Variants in FCSK observed in about 807,000 individuals in gnomAD.
The protein encoded by FCSK is fucose kinase.
In FCSK, 123 loss-of-function variants were observed where a neutral mutation model predicts 122.5. The observed-to-expected ratio is 1.00, with a 90% CI of 0.87 to 1.17. The LOEUF is 1.17. Among genes scored for constraint, FCSK ranks in the 50% most tolerant of loss-of-function variants. The pLI, the probability that FCSK is intolerant of heterozygous loss-of-function variation, is 0.00. For missense variants in FCSK, 1,366 were observed against 1,450.4 expected, an observed-to-expected ratio of 0.94 and a Z score of 0.95; for synonymous variants, 620 against 625.5, an observed-to-expected ratio of 0.99 and a Z score of 0.13.
At position 70,478,547 on chromosome 16, in the gene FCSK, G is replaced by C. The variant is rs577562228; in HGVS notation, c.2830-4G>C. 5.6e-6 allele frequency: 9 copies of C among 1,613,610 alleles called. No homozygotes were observed. In the East Asian group the frequency reaches 2.0e-4, roughly 36 times the overall value. ...CACCACCCCTTCTCCTGCCCCGTCC[G>C]CAGGATGTGCTGAGGAGCTGGTATG... On this transcript the variant is annotated splice_polypyrimidine_tract_variant and splice_region_variant and intron_variant, in intron 21 of 23. Coordinates refer to ENST00000288078, the MANE Select transcript of FCSK (RefSeq NM_145059.3).
chr16:70,465,653 ATAAAAT>A (rs2048394293), intron 4 of FCSK, among the ~76,000 whole-genome samples: 1 of 150,670 alleles, frequency 6.6e-6, no homozygotes, highest in Non-Finnish European at 1.5e-5. Flanking sequence ...TTCTCAAAAA[ATAAAAT>A]TATAGGCTGG....
rs1485944968 is a variant in FCSK at position 70,471,180 on chromosome 16, A to G, written c.1171-2A>G. ...CAGGATGCCTGCCCTGTCCCCCACC[A>G]GGGCCCCATTCACATAGGCGCTGGC... is the stretch of plus-strand genomic sequence containing the variant. On this transcript the variant is annotated splice_acceptor_variant, in intron 12 of 23. Coordinates refer to ENST00000288078, the MANE Select transcript of FCSK (RefSeq NM_145059.3). LOFTEE classifies it high-confidence loss of function. The G allele has an allele frequency of 2.5e-6, 4 of 1,601,080 alleles. No homozygotes were observed. The East Asian group carries it at 9.0e-5, about 36-fold the overall frequency.
At position 70,461,396 on chromosome 16, in the gene FCSK, G is replaced by A. The variant is rs564204909; in HGVS notation, c.-22-1773G>A. On this transcript the variant is annotated intron_variant, in intron 1 of 23. Transcript: ENST00000288078. ...GGGTACTCCTGGGGGACTCGGTCTC[G>A]GGGAGGCCAGGGGCTCAGGAGTCAG... is the stretch of plus-strand genomic sequence containing the variant. 6.6e-5 allele frequency among the ~76,000 whole-genome samples: 10 copies of A among 152,192 alleles called. No homozygotes were observed. In the East Asian group the frequency reaches 7.7e-4, roughly 12 times the overall value.
intron 20 of FCSK, chr16:70,476,056 G>T (rs1037703661): frequency 8.9e-6 from 2 of 223,796 alleles, no homozygotes; most frequent in African/African-American, 2.3e-5. Flanking sequence ...AGGCTGGAGT[G>T]CAGTGGTGCG....
At chr16:70,477,089 C>T (rs2048840336) in intron 20 of FCSK, among the ~76,000 whole-genome samples, 1 of 152,258 alleles carries the variant, frequency 6.6e-6, no homozygotes, top group Admixed American at 6.5e-5. Flanking sequence ...TTCCAGATGG[C>T]TTCTGTCTTT....
Position 70,475,704 on chromosome 16 carries a change from C to T in FCSK, c.2578C>T (p.Arg860Trp), listed in dbSNP as rs752699428. ...ALAALQRAAG[R>W]VVGTEALIHA... Reference sequence around the variant, plus strand: ...GGCTGCCTTGCAGCGAGCCGCAGGCCGGGTGGTGGGCACGGAAGCCCTGAT... The same window carrying T: ...GGCTGCCTTGCAGCGAGCCGCAGGCTGGGTGGTGGGCACGGAAGCCCTGAT... Residue 860 changes from arginine (R) to tryptophan (W), a missense_variant, in exon 20 of 24, where the codon CGG becomes TGG. Arg to Trp is a moderately radical substitution (Grantham distance 101). Transcript: ENST00000288078. 22 of 1,602,602 alleles carry T rather than the reference C, an allele frequency of 1.4e-5. No individual in the cohort carries two copies. Among genetic ancestry groups the T allele is most frequent in the Middle Eastern group, 3.4e-4 (2 of 5,906 alleles).
chr16:70,460,174 T>G (rs2151700746), intron 1 of FCSK, among the ~76,000 whole-genome samples: 1 of 148,914 alleles, frequency 6.7e-6, no homozygotes. Context: ...TGCAGTGGCG[T>G]GATCTCTGCT....
At chr16:70,467,047 G>C in intron 6 of FCSK, 93 bp downstream of exon 6, 1 of 1,167,134 alleles carries the variant, frequency 8.6e-7, no homozygotes, top group Non-Finnish European at 1.3e-6. Context: ...CTCTGGGCCT[G>C]CCCCGCTGCC....
chr16:70,470,935 C>T (rs2099539), intron 11 of FCSK, 36 bp from the exon 12 acceptor site: 40 of 1,529,292 alleles, frequency 2.6e-5, no homozygotes, highest in Non-Finnish European at 2.9e-5. Flanking sequence ...CCCTGGGCCT[C>T]GACCCCCCTC....
At chr16:70,456,137 G>C (rs1475517565) in intron 1 of FCSK, among the ~76,000 whole-genome samples, 2 of 152,192 alleles carry the variant, frequency 1.3e-5, no homozygotes, top group African/African-American at 4.8e-5. Flanking sequence ...ACATCACTGC[G>C]TTCCGCCCTC....
rs200140905 is a variant in FCSK at position 70,468,951 on chromosome 16, G to A, written c.766G>A (p.Gly256Arg). ...DACTYLGLDS[G>R]ARPVQLSLFF... ...CTGCACCTACCTAGGCTTGGACTCC[G>A]GAGCCCGGCCTGTCCAGGTGACTGG... Residue 256 changes from glycine to arginine, a missense_variant, in exon 9 of 24, where the codon GGA (glycine) becomes AGA (arginine). Physicochemically the swap from Gly to Arg is moderately radical, Grantham distance 125. Coordinates refer to ENST00000288078, the MANE Select transcript of FCSK (RefSeq NM_145059.3). 5.4e-4 allele frequency: 876 copies of A among 1,613,544 alleles called. 10 individuals carry two copies. The South Asian group carries it at 8.5e-3, about 16-fold the overall frequency.
chr16:70,461,887 G>A (rs561629132), intron 1 of FCSK, among the ~76,000 whole-genome samples: 16 of 152,336 alleles, frequency 1.1e-4, no homozygotes, highest in Non-Finnish European at 1.9e-4. Context: ...CACCTGGGGA[G>A]ATGAAATCTT....
chr16:70,479,120 CT>C, intron 22 of FCSK, 59 bp from the exon 23 acceptor site: 1 of 1,312,068 alleles, frequency 7.6e-7, no homozygotes, highest in Non-Finnish European at 1.1e-6. Flanking sequence ...TTCATGCAAT[CT>C]CCAGATGGGT....
chr16:70,474,826 T>G lies in FCSK; in HGVS notation c.2192T>G (p.Leu731Arg), dbSNP rs1307872831. 20 of 1,590,990 alleles carry G rather than the reference T, an allele frequency of 1.3e-5. No homozygotes were observed. Among genetic ancestry groups the G allele is most frequent in the South Asian group, 2.3e-5 (2 of 88,088 alleles). Residue 731 changes from leucine (L) to arginine (R), a missense_variant, in exon 18 of 24, where the codon CTT (leucine) becomes CGT (arginine). Coordinates refer to ENST00000288078, the MANE Select transcript of FCSK (RefSeq NM_145059.3). ...WSDTPPLAYE[L>R]GGAVLGLAVR... Reference sequence around the variant, plus strand: ...GACACGCCACCCCTTGCCTATGAGCTTGGCGGGGCTGTGCTGGGCCTGGCT... The same window carrying G: ...GACACGCCACCCCTTGCCTATGAGCGTGGCGGGGCTGTGCTGGGCCTGGCT...
chr16:70,459,805 CTT>C (rs138503014), intron 1 of FCSK, among the ~76,000 whole-genome samples: 2 of 144,374 alleles, frequency 1.4e-5, no homozygotes, highest in African/African-American at 5.0e-5. Flanking sequence ...GTTTCTTCAT[CTT>C]TTTTTTTTTT....
chr16:70,478,908 T>G, intron 22 of FCSK: 2 of 696,258 alleles, frequency 2.9e-6, no homozygotes, highest in Non-Finnish European at 5.2e-6. Context: ...CATGGCTGAG[T>G]TCCAAGGAAG....
chr16:70,463,326 C>T, intron 2 of FCSK, 54 bp downstream of exon 2: 1 of 1,475,256 alleles, frequency 6.8e-7, no homozygotes, highest in Non-Finnish European at 9.4e-7. Context: ...CCTCCCCTTC[C>T]TGGCTATGTC....
At position 70,479,067 on chromosome 16, in the gene FCSK, G is replaced by A. The variant is rs189179338; in HGVS notation, c.2930-113G>A. 1,604 of 842,872 alleles carry A rather than the reference G, an allele frequency of 1.9e-3. 3 individuals are homozygous for A. The highest frequency in any genetic ancestry group is 2.5e-3 in the Non-Finnish European group (1,358 of 538,662). 52.2% of individuals were successfully genotyped at this position (842,872 alleles called of 1,614,324 possible). A position where few individuals can be genotyped will look rare whatever the true frequency, so the allele number is the denominator to read the frequency against. On this transcript the variant is annotated intron_variant, in intron 22 of 23. Transcript: ENST00000288078. The stretch of plus-strand genomic sequence containing the variant: ...CTGGCTCCAGCCGGCACTGGAATCC[G>A]GCTTCTTTACCATGACACTGGCTCA...
chr16:70,467,666 C>G (rs1043717722), intron 7 of FCSK, 195 bp downstream of exon 7: 3 of 632,976 alleles, frequency 4.7e-6, no homozygotes. Flanking sequence ...GACCGCCTGT[C>G]CAGTCTCTGT....
Sources: gnomAD v4.1 joint callset for allele counts (sites outside exome capture counted in the v4.1 genomes callset) on GRCh38, gnomAD v4.1.1 for gene constraint, MANE v1.5 for transcripts, NCBI Gene and HGNC (gene_info 2026-07-23, HGNC 2026-07-21) for gene names.